The following PATJ variants were observed in gnomAD, a reference collection of about 807,000 sequenced individuals.
The protein encoded by PATJ is PATJ crumbs cell polarity complex component, also known as inaD-like protein.
Under a neutral mutation model 224.9 loss-of-function variants are expected in PATJ, and 190 were observed. The ratio of observed to expected loss-of-function variants is 0.84; its 90% CI spans 0.75 to 0.95. PATJ has a LOEUF of 0.95. Among genes scored for constraint, PATJ ranks in the 40% least tolerant of loss-of-function variants. PATJ has a pLI of 0.00. For synonymous variants in PATJ, 769 were observed against 820.3 expected (o/e 0.94, Z 1.07); for missense variants, 2,121 against 2,270.3 (o/e 0.93, Z 1.34).
chr1:61,777,853 A>G (rs1647022246), intron 7 of PATJ, among the ~76,000 whole-genome samples: 1 of 151,494 alleles, frequency 6.6e-6, no homozygotes. Flanking sequence ...TACTACAGGC[A>G]TGTACCACCA....
intron 22 of PATJ, among the ~76,000 whole-genome samples, chr1:61,891,135 CAT>C (rs986768165): frequency 1.3e-5 from 2 of 151,544 alleles, no homozygotes; most frequent in African/African-American, 2.4e-5. Flanking sequence ...AGAAGAAAGA[CAT>C]ATTTAAAATG....
At chr1:61,750,479 A>T (rs1294524857) in intron 1 of PATJ, among the ~76,000 whole-genome samples, 1 of 122,260 alleles carries the variant, frequency 8.2e-6, no homozygotes, top group Non-Finnish European at 1.6e-5. Context: ...ATTTTTGCCC[A>T]GGCTGGAGTG....
intron 33 of PATJ, among the ~76,000 whole-genome samples, chr1:62,107,046 A>G (rs1240449790): frequency 1.3e-5 from 2 of 151,404 alleles, no homozygotes; most frequent in East Asian, 2.0e-4. Context: ...AGTGGCTCAC[A>G]CCTGTAATCC....
At chr1:62,125,247 A>C (rs1452230344) in intron 39 of PATJ, among the ~76,000 whole-genome samples, 11 of 104,062 alleles carry the variant, frequency 1.1e-4, no homozygotes, top group African/African-American at 2.5e-4. Context: ...AAAAAAAAAA[A>C]AAAAAACAAA....
intron 27 of PATJ, among the ~76,000 whole-genome samples, chr1:61,960,605 G>A (rs1313167302): frequency 1.3e-5 from 2 of 151,448 alleles, no homozygotes; most frequent in African/African-American, 4.9e-5. Context: ...AGACGTTGCA[G>A]TGAGCCGAGA....
chr1:61,912,812 T>A (rs534326384), intron 25 of PATJ, among the ~76,000 whole-genome samples: 1 of 152,252 alleles, frequency 6.6e-6, no homozygotes, highest in Non-Finnish European at 1.5e-5. Context: ...CTAGTTTTTC[T>A]ATGGGAGAAA....
At position 61,813,356 on chromosome 1, in the gene PATJ, TATATATATATATATATATATATACACAC is replaced by T. The variant is rs1408544143; in HGVS notation, c.1683+4828_1683+4855del. 1.4e-3 allele frequency among the ~76,000 whole-genome samples: 71 copies of T among 49,378 alleles called. 1 individual carries two copies. Among genetic ancestry groups the T allele is most frequent in the African/African-American group, 4.1e-3 (67 of 16,258 alleles). 32.4% of individuals were successfully genotyped at this position (49,378 alleles called of 152,430 possible). On this transcript the variant is annotated intron_variant, in intron 14 of 43. Transcript: ENST00000642238. Reference sequence around the variant, plus strand: ...GTACATATATATATATATATATATATATATATATATATATATATATATACACACACACACACACACACATACACACATA... The same window carrying T: ...GTACATATATATATATATATATATATACACACACACACACATACACACATA...
intron 27 of PATJ, among the ~76,000 whole-genome samples, chr1:61,980,236 G>A (rs532696433): frequency 1.3e-5 from 2 of 152,024 alleles, no homozygotes; most frequent in Admixed American, 1.3e-4. Flanking sequence ...AGTGAGCCAT[G>A]ATTATGCCGC....
chr1:62,110,249 T>C (rs1663633368), intron 34 of PATJ, among the ~76,000 whole-genome samples: 1 of 152,186 alleles, frequency 6.6e-6, no homozygotes, highest in Non-Finnish European at 1.5e-5. Flanking sequence ...GTGTTTCCTT[T>C]CTAAACAGCT....
intron 26 of PATJ, among the ~76,000 whole-genome samples, chr1:61,926,952 A>G (rs771933748): frequency 1.7e-4 from 26 of 152,150 alleles, no homozygotes; most frequent in Non-Finnish European, 2.8e-4. Context: ...GCTTGGGTAT[A>G]TCGGCTCCTA....
rs17122835 is a variant in PATJ at position 61,883,191 on chromosome 1, G to A, written c.2960-1046G>A. 7.2e-3 allele frequency among the ~76,000 whole-genome samples: 1,102 copies of A among 152,190 alleles called. 16 individuals carry two copies. Among genetic ancestry groups the A allele is most frequent in the African/African-American group, 0.025 (1,032 of 41,522 alleles). On this transcript the variant is annotated intron_variant, in intron 21 of 43. Transcript: ENST00000642238. ...CATGATAATTGTATAATATGCTACC[G>A]ACAACTAGGAAGAACATAAGAAGTA...
chr1:61,914,730 C>A, intron 26 of PATJ, 66 bp downstream of exon 26: 1 of 1,000,424 alleles, frequency 1.0e-6, no homozygotes, highest in Non-Finnish European at 1.5e-6. Context: ...TTTTCCATAT[C>A]TGGGCTATAA....
chr1:61,994,115 ATTAT>A (rs1416450734), intron 28 of PATJ, among the ~76,000 whole-genome samples: 1 of 152,228 alleles, frequency 6.6e-6, no homozygotes, highest in African/African-American at 2.4e-5. Context: ...TTTTTGGCTA[ATTAT>A]TTATCTTCTT....
At chr1:61,946,997 G>C (rs1199408310) in intron 27 of PATJ, among the ~76,000 whole-genome samples, 3 of 152,102 alleles carry the variant, frequency 2.0e-5, no homozygotes, top group African/African-American at 7.2e-5. Context: ...TTCAGAAAAG[G>C]CCTTTGACAA....
At chr1:62,144,833 C>T (rs1667881464) in intron 41 of PATJ, among the ~76,000 whole-genome samples, 1 of 141,458 alleles carries the variant, frequency 7.1e-6, no homozygotes. Flanking sequence ...TCTACTATAC[C>T]TTTGTTTTTG....
At chr1:61,887,086 A>G (rs770061582) in intron 22 of PATJ, among the ~76,000 whole-genome samples, 2 of 151,978 alleles carry the variant, frequency 1.3e-5, no homozygotes, top group Non-Finnish European at 2.9e-5. Context: ...GACATACAAC[A>G]TTTATATTAT....
At chr1:62,123,484 T>C (rs1227817874) in intron 39 of PATJ, among the ~76,000 whole-genome samples, 1 of 135,344 alleles carries the variant, frequency 7.4e-6, no homozygotes, top group African/African-American at 2.8e-5. Flanking sequence ...TTTTTTTTTT[T>C]TTTTTTTTTT....
At chr1:62,111,603 T>C (rs1178227325) in intron 34 of PATJ, among the ~76,000 whole-genome samples, 1 of 152,018 alleles carries the variant, frequency 6.6e-6, no homozygotes, top group African/African-American at 2.4e-5. Flanking sequence ...GGGTTTCATA[T>C]AGCCAGGAAG....
chr1:62,046,393 T>A (rs1331291645), intron 30 of PATJ, among the ~76,000 whole-genome samples: 1 of 152,234 alleles, frequency 6.6e-6, no homozygotes, highest in Non-Finnish European at 1.5e-5. Flanking sequence ...AAATGCTTTA[T>A]TGCTATCCTC....
Sources: gnomAD v4.1 joint callset for allele counts (sites outside exome capture counted in the v4.1 genomes callset) on GRCh38, gnomAD v4.1.1 for gene constraint, MANE v1.5 for transcripts, NCBI Gene and HGNC (gene_info 2026-07-23, HGNC 2026-07-21) for gene names.